Variants in PDSS2 observed in about 807,000 individuals in gnomAD.
PDSS2 encodes the protein decaprenyl diphosphate synthase subunit 2.
Under a neutral mutation model 44.5 loss-of-function variants are expected in PDSS2, and 31 were observed. The ratio of observed to expected loss-of-function variants is 0.70; its 90% CI spans 0.52 to 0.94. The LOEUF is 0.94. Among genes scored for constraint, PDSS2 ranks in the 40% least tolerant of loss-of-function variants. The pLI is 0.00. For synonymous variants in PDSS2, 157 were observed against 180.3 expected, an observed-to-expected ratio of 0.87 and a Z score of 1.03; for missense variants, 452 against 482.2, an observed-to-expected ratio of 0.94 and a Z score of 0.59.
intron 2 of PDSS2, among the ~76,000 whole-genome samples, chr6:107,282,565 T>C (rs1262837007): frequency 6.6e-6 from 1 of 151,956 alleles, no homozygotes; most frequent in Non-Finnish European, 1.5e-5. Flanking sequence ...GCTGCTTTTT[T>C]TTTTTAATTA....
At chr6:107,210,186 G>C (rs1773149590) in intron 6 of PDSS2, among the ~76,000 whole-genome samples, 1 of 152,080 alleles carries the variant, frequency 6.6e-6, no homozygotes, top group Admixed American at 6.6e-5. Context: ...GAGTTAATTA[G>C]CATTCACCAC....
intron 1 of PDSS2, among the ~76,000 whole-genome samples, chr6:107,419,858 C>T (rs1182846996): frequency 2.0e-5 from 3 of 152,186 alleles, no homozygotes; most frequent in Non-Finnish European, 2.9e-5. Flanking sequence ...TGAAAAGCAT[C>T]GTTATCAACC....
intron 2 of PDSS2, among the ~76,000 whole-genome samples, chr6:107,317,902 A>G (rs1471437070): frequency 3.3e-5 from 5 of 152,142 alleles, no homozygotes; most frequent in Non-Finnish European, 7.4e-5. Context: ...AGAGGTGAGT[A>G]ATTTTCCCTT....
At chr6:107,432,091 C>T (rs1288376835) in intron 1 of PDSS2, among the ~76,000 whole-genome samples, 1 of 152,218 alleles carries the variant, frequency 6.6e-6, no homozygotes, top group African/African-American at 2.4e-5. Flanking sequence ...AAATTGCTAT[C>T]AGTCTGATTT....
chr6:107,218,372 G>C (rs1049704245), intron 4 of PDSS2, among the ~76,000 whole-genome samples: 4 of 152,150 alleles, frequency 2.6e-5, no homozygotes, highest in African/African-American at 9.7e-5. Context: ...TGCACTTGCT[G>C]TTCTGCAGAT....
At chr6:107,343,893 T>C (rs1778156505) in intron 1 of PDSS2, among the ~76,000 whole-genome samples, 1 of 152,210 alleles carries the variant, frequency 6.6e-6, no homozygotes, top group Admixed American at 6.5e-5. Context: ...ACAAGTGTTA[T>C]CCAACAAATT....
At chr6:107,279,355 T>A (rs1391944294) in intron 2 of PDSS2, among the ~76,000 whole-genome samples, 1 of 152,196 alleles carries the variant, frequency 6.6e-6, no homozygotes, top group Admixed American at 6.5e-5. Context: ...TTATCCCTAG[T>A]TTTGAAGCAA....
intron 1 of PDSS2, among the ~76,000 whole-genome samples, chr6:107,410,852 C>T (rs912240125): frequency 6.6e-6 from 1 of 151,780 alleles, no homozygotes; most frequent in Non-Finnish European, 1.5e-5. Flanking sequence ...TCCAATTGCA[C>T]AGCATTCCAC....
At chr6:107,388,891 T>A (rs1398772047) in intron 1 of PDSS2, among the ~76,000 whole-genome samples, 1 of 151,804 alleles carries the variant, frequency 6.6e-6, no homozygotes, top group Non-Finnish European at 1.5e-5. Context: ...CAACAAGGAA[T>A]AACCTACTGA....
chr6:107,440,599 C>T (rs528699456), intron 1 of PDSS2, among the ~76,000 whole-genome samples: 1 of 152,308 alleles, frequency 6.6e-6, no homozygotes, highest in South Asian at 2.1e-4. Flanking sequence ...AGACAGGGAG[C>T]TACTAAAGGT....
intron 4 of PDSS2, among the ~76,000 whole-genome samples, chr6:107,228,715 T>C (rs796821140): frequency 0.028 from 3,266 of 116,194 alleles, 112 homozygotes; most frequent in African/African-American, 0.099. Context: ...AATAAATAAA[T>C]AAATAAACAA....
At chr6:107,191,850 G>A (rs1454561920) in intron 7 of PDSS2, among the ~76,000 whole-genome samples, 1 of 152,108 alleles carries the variant, frequency 6.6e-6, no homozygotes, top group African/African-American at 2.4e-5. Flanking sequence ...GGGCTCAAGT[G>A]GTCCTCCCAC....
intron 6 of PDSS2, among the ~76,000 whole-genome samples, chr6:107,204,538 A>G (rs1001360384): frequency 6.6e-6 from 1 of 152,014 alleles, no homozygotes; most frequent in Non-Finnish European, 1.5e-5. Flanking sequence ...CCAAATTAAG[A>G]CACTTTTTTT....
At chr6:107,302,242 T>C (rs1420881285) in intron 2 of PDSS2, among the ~76,000 whole-genome samples, 8 of 152,160 alleles carry the variant, frequency 5.3e-5, no homozygotes, top group Admixed American at 5.2e-4. Context: ...TAAAAAGATA[T>C]TTGGAAATGC....
At chr6:107,395,855 G>A (rs2114555922) in intron 1 of PDSS2, among the ~76,000 whole-genome samples, 1 of 152,250 alleles carries the variant, frequency 6.6e-6, no homozygotes, top group Non-Finnish European at 1.5e-5. Context: ...CTGAGTGTTA[G>A]ATTCTGCTAT....
intron 1 of PDSS2, among the ~76,000 whole-genome samples, chr6:107,446,950 A>G (rs1304547126): frequency 6.6e-6 from 1 of 152,018 alleles, no homozygotes; most frequent in Non-Finnish European, 1.5e-5. Context: ...AAAGTCCCCC[A>G]AAGTCTTAAC....
chr6:107,299,347 A>G (rs1562445510), intron 2 of PDSS2, among the ~76,000 whole-genome samples: 1 of 152,004 alleles, frequency 6.6e-6, no homozygotes. Context: ...GCATCTCACT[A>G]TCTTTATTTT....
rs374769814 is a variant in PDSS2, at chr6:107,363,504, C to T, written c.297-29172G>A. On this transcript the variant is annotated intron_variant, in intron 1 of 7. Coordinates refer to ENST00000369037, the MANE Select transcript of PDSS2 (RefSeq NM_020381.4). Reference sequence around the variant, plus strand: ...ACGTCTGGAGTTGTTCGTTCCATCCCGGTGGGCTCGTGGTCTCGCTGGCTT... The same window carrying T: ...ACGTCTGGAGTTGTTCGTTCCATCCTGGTGGGCTCGTGGTCTCGCTGGCTT... 6.4e-4 allele frequency among the ~76,000 whole-genome samples: 97 copies of T among 151,964 alleles called. 3 individuals carry two copies. The South Asian group carries it at 0.017, about 26-fold the overall frequency.
At chr6:107,334,850 T>C (rs904900242) in intron 1 of PDSS2, among the ~76,000 whole-genome samples, 1 of 151,940 alleles carries the variant, frequency 6.6e-6, no homozygotes, top group Admixed American at 6.5e-5. Context: ...GCCCAGCCCA[T>C]GGCCAGTTTT....
Sources: allele counts gnomAD v4.1 joint callset (sites outside exome capture counted in the v4.1 genomes callset), GRCh38; gene constraint gnomAD v4.1.1; transcripts MANE v1.5; gene names NCBI Gene and HGNC (gene_info 2026-07-23, HGNC 2026-07-21).